RSRC1: variants seen among roughly 807,000 people sequenced by gnomAD.
The protein encoded by RSRC1 is arginine and serine rich coiled-coil 1.
A neutral mutation model predicts 49.1 loss-of-function variants in RSRC1; 39 were observed. The ratio of observed to expected loss-of-function variants is 0.79; its 90% confidence interval spans 0.61 to 1.04. The LOEUF is 1.04. Among genes scored for constraint, RSRC1 ranks in the 50% least tolerant of loss-of-function variants. The pLI is 0.00. For missense variants in RSRC1, 388 were observed against 402.4 expected, an observed-to-expected ratio of 0.96 and a Z score of 0.31; for synonymous variants, 143 against 130.8, an observed-to-expected ratio of 1.09 and a Z score of -0.63.
chr3:158,229,399 C>CAT (rs370209381), intron 4 of RSRC1, among the ~76,000 whole-genome samples: 57,492 of 105,984 alleles, frequency 0.54, 16,274 homozygotes, highest in East Asian at 0.64. Flanking sequence ...TATATATACA[C>CAT]ATACACACGT....
chr3:158,531,773 T>C (rs1185686671), intron 7 of RSRC1, among the ~76,000 whole-genome samples: 1 of 151,966 alleles, frequency 6.6e-6, no homozygotes, highest in Non-Finnish European at 1.5e-5. Flanking sequence ...AAAAGAAACA[T>C]TTAAAATGTA....
chr3:158,379,849 C>G (rs1277135738), intron 6 of RSRC1, among the ~76,000 whole-genome samples: 1 of 151,696 alleles, frequency 6.6e-6, no homozygotes, highest in Non-Finnish European at 1.5e-5. Context: ...CTCCCTCCCT[C>G]TTGTCCCATT....
intron 6 of RSRC1, among the ~76,000 whole-genome samples, chr3:158,423,851 G>T (rs1284000220): frequency 3.3e-5 from 5 of 151,490 alleles, no homozygotes; most frequent in Admixed American, 1.3e-4. Flanking sequence ...GTGAATGGGA[G>T]TTCACTCATG....
chr3:158,303,218 A>G (rs542042403), intron 5 of RSRC1: 40 of 152,350 alleles, frequency 2.6e-4, no homozygotes, highest in African/African-American at 9.1e-4. Context: ...TGGGAGAAGG[A>G]TTTAGATCAG....
chr3:158,361,617 C>T (rs1731479094), intron 6 of RSRC1, among the ~76,000 whole-genome samples: 1 of 152,222 alleles, frequency 6.6e-6, no homozygotes, highest in Non-Finnish European at 1.5e-5. Context: ...CTCAGCGGTT[C>T]TCAGTTGCTT....
At chr3:158,502,329 T>C (rs558048258) in intron 7 of RSRC1, among the ~76,000 whole-genome samples, 5 of 152,158 alleles carry the variant, frequency 3.3e-5, no homozygotes, top group Non-Finnish European at 7.4e-5. Context: ...GATAACCTGA[T>C]GACAATGTGC....
intron 6 of RSRC1, among the ~76,000 whole-genome samples, chr3:158,385,523 A>G (rs1458955774): frequency 6.6e-6 from 1 of 152,166 alleles, no homozygotes; most frequent in Non-Finnish European, 1.5e-5. Flanking sequence ...ACCTGGTTTC[A>G]TTATAAATCA....
intron 4 of RSRC1, among the ~76,000 whole-genome samples, chr3:158,269,842 C>T (rs1725404447): frequency 6.6e-6 from 1 of 152,044 alleles, no homozygotes; most frequent in South Asian, 2.1e-4. Context: ...AGGAGTTATT[C>T]CCTTATTTTT....
intron 4 of RSRC1, among the ~76,000 whole-genome samples, chr3:158,284,269 C>G (rs888692645): frequency 6.6e-6 from 1 of 151,760 alleles, no homozygotes; most frequent in Admixed American, 6.6e-5. Flanking sequence ...ATATGTGCCA[C>G]ATTTTCTTAA....
intron 4 of RSRC1, among the ~76,000 whole-genome samples, chr3:158,267,527 T>C (rs1296025415): frequency 2.0e-5 from 3 of 152,054 alleles, no homozygotes; most frequent in Admixed American, 2.0e-4. Context: ...TGAGGTCCTC[T>C]TCATTTAAAA....
chr3:158,489,278 T>C (rs1354211226), intron 7 of RSRC1, among the ~76,000 whole-genome samples: 1 of 152,260 alleles, frequency 6.6e-6, no homozygotes, highest in Non-Finnish European at 1.5e-5. Flanking sequence ...TTCACTTTGA[T>C]TTCAAATCTT....
intron 5 of RSRC1, among the ~76,000 whole-genome samples, chr3:158,315,031 C>A (rs200714788): frequency 3.1e-4 from 46 of 146,402 alleles, no homozygotes; most frequent in Admixed American, 3.4e-4. Flanking sequence ...GACTTTGTCT[C>A]AAAAAAAAAA....
chr3:158,226,812 G>T (rs892712244), intron 4 of RSRC1, among the ~76,000 whole-genome samples: 6 of 151,740 alleles, frequency 4.0e-5, no homozygotes, highest in Admixed American at 1.3e-4. Flanking sequence ...TCCATAACAG[G>T]ATTGATTTGT....
intron 5 of RSRC1, among the ~76,000 whole-genome samples, chr3:158,308,889 G>A (rs1262429961): frequency 6.6e-6 from 1 of 151,868 alleles, no homozygotes; most frequent in East Asian, 1.9e-4. Flanking sequence ...TGATTTATGT[G>A]AGTTGAGTAT....
intron 4 of RSRC1, chr3:158,275,781 G>T: frequency 4.1e-6 from 2 of 488,758 alleles, no homozygotes; most frequent in African/African-American, 2.0e-5. Flanking sequence ...TAGTTTATTA[G>T]GTATGAATTT....
intron 5 of RSRC1, among the ~76,000 whole-genome samples, chr3:158,308,628 A>G (rs1727967659): frequency 6.6e-6 from 1 of 151,938 alleles, no homozygotes; most frequent in Admixed American, 6.6e-5. Flanking sequence ...TTTTCAAATG[A>G]TGATATTACA....
intron 7 of RSRC1, among the ~76,000 whole-genome samples, chr3:158,499,380 C>CA (rs1739493120): frequency 2.0e-5 from 3 of 151,018 alleles, no homozygotes; most frequent in South Asian, 4.2e-4. Context: ...GTCTCAAAAA[C>CA]AAAAAAACAG....
intron 7 of RSRC1, among the ~76,000 whole-genome samples, chr3:158,486,876 A>G (rs1025875402): frequency 2.6e-5 from 4 of 152,152 alleles, no homozygotes; most frequent in African/African-American, 9.7e-5. Context: ...TCCTAGCATT[A>G]TACTCAGAGC....
chr3:158,298,108 C>G, intron 5 of RSRC1, 33 bp downstream of exon 5: 1 of 1,506,648 alleles, frequency 6.6e-7, no homozygotes. Context: ...ACATTTGCAT[C>G]ATCTTTGATA....
Sources: gnomAD v4.1 joint callset for allele counts (sites outside exome capture counted in the v4.1 genomes callset) on GRCh38, gnomAD v4.1.1 for gene constraint, MANE v1.5 for transcripts, NCBI Gene and HGNC (gene_info 2026-07-23, HGNC 2026-07-21) for gene names.